The following ADAMTSL1 variants were observed in gnomAD, a reference collection of about 807,000 sequenced individuals.
ADAMTSL1 encodes ADAMTS like 1.
In ADAMTSL1, 126 loss-of-function variants were observed where a neutral mutation model predicts 201.8. The observed-to-expected ratio is 0.62, with a 90% CI of 0.54 to 0.72. The LOEUF (loss-of-function observed/expected upper bound fraction) is 0.72. Among genes scored for constraint, ADAMTSL1 ranks in the 30% least tolerant of loss-of-function variants. The probability of loss-of-function intolerance (pLI) is 0.00; values close to 1 mark genes in which losing one functional copy is unlikely to be tolerated. For synonymous variants in ADAMTSL1, 1,121 were observed against 903.4 expected, an observed-to-expected ratio of 1.24 and a Z score of -4.32; for missense variants, 2,679 against 2,277.8, an observed-to-expected ratio of 1.18 and a Z score of -3.59.
intron 9 of ADAMTSL1, among the ~76,000 whole-genome samples, chr9:18,663,064 T>A (rs1381644482): frequency 6.6e-6 from 1 of 152,218 alleles, no homozygotes; most frequent in Non-Finnish European, 1.5e-5. Flanking sequence ...CATTAAAATA[T>A]GACTTGGGCA....
chr9:18,160,986 C>T (rs754591648), intron 1 of ADAMTSL1, among the ~76,000 whole-genome samples: 18 of 151,558 alleles, frequency 1.2e-4, no homozygotes, highest in Non-Finnish European at 2.5e-4. Flanking sequence ...CCATGCCTGG[C>T]CAGGATTAAA....
chr9:18,557,028 G>C (rs2132256129), intron 3 of ADAMTSL1, among the ~76,000 whole-genome samples: 1 of 151,990 alleles, frequency 6.6e-6, no homozygotes, highest in South Asian at 2.1e-4. Context: ...AAAGAGATTA[G>C]GGAAGGAAGT....
At chr9:18,175,671 A>T (rs549404494) in intron 2 of ADAMTSL1, among the ~76,000 whole-genome samples, 1 of 152,106 alleles carries the variant, frequency 6.6e-6, no homozygotes, top group South Asian at 2.1e-4. Context: ...CCTACTCTCT[A>T]GACTTTCCTT....
chr9:18,168,922 T>C (rs10963488), intron 2 of ADAMTSL1, among the ~76,000 whole-genome samples: 47,316 of 150,420 alleles, frequency 0.31, 7,439 homozygotes, highest in Admixed American at 0.39. Flanking sequence ...CATAAATGTC[T>C]TCTTTTGAGA....
intron 2 of ADAMTSL1, among the ~76,000 whole-genome samples, chr9:18,403,045 A>G (rs9407907): frequency 0.55 from 83,822 of 151,946 alleles, 23,659 homozygotes; most frequent in African/African-American, 0.66. Context: ...CTGCTAGTAA[A>G]TGGCAGAGCT....
intron 5 of ADAMTSL1, among the ~76,000 whole-genome samples, chr9:18,625,282 T>C (rs1433691689): frequency 1.3e-5 from 2 of 152,038 alleles, no homozygotes; most frequent in Non-Finnish European, 2.9e-5. Context: ...GTTTTTTTTT[T>C]TTTTCCCTTA....
intron 23 of ADAMTSL1, among the ~76,000 whole-genome samples, chr9:18,874,009 C>T (rs575864986): frequency 1.3e-5 from 2 of 152,142 alleles, no homozygotes; most frequent in Non-Finnish European, 2.9e-5. Flanking sequence ...TCTTTCACCT[C>T]CTTGGTTAGG....
At chr9:18,817,555 A>G (rs1823940739) in intron 21 of ADAMTSL1, among the ~76,000 whole-genome samples, 1 of 152,218 alleles carries the variant, frequency 6.6e-6, no homozygotes, top group South Asian at 2.1e-4. Context: ...GGAGAGTGAT[A>G]AATTCATGGA....
intron 26 of ADAMTSL1, among the ~76,000 whole-genome samples, chr9:18,894,204 G>T (rs1463670319): frequency 2.6e-5 from 4 of 152,200 alleles, no homozygotes; most frequent in Non-Finnish European, 5.9e-5. Flanking sequence ...TTACTGTCTG[G>T]CCAGGCACAA....
chr9:18,832,535 G>C (rs547357511), intron 23 of ADAMTSL1, among the ~76,000 whole-genome samples: 20 of 152,136 alleles, frequency 1.3e-4, no homozygotes, highest in Non-Finnish European at 2.4e-4. Context: ...AGGAATAATC[G>C]ATAGTGGGAG....
At chr9:18,222,140 C>T (rs960107821) in intron 2 of ADAMTSL1, among the ~76,000 whole-genome samples, 14 of 151,480 alleles carry the variant, frequency 9.2e-5, no homozygotes, top group African/African-American at 3.4e-4. Flanking sequence ...AAATTTTTTC[C>T]ATCTTTAACT....
Position 18,909,142 on chromosome 9 carries a change from G to C in ADAMTSL1, c.*594G>C, listed in dbSNP as rs1588370905. ...GAGAAGAACTCAGATCACCAGTAGG[G>C]AGAGGTAAAAAAGCAAACAAAGCAG... On this transcript the variant is annotated 3_prime_UTR_variant, in exon 29 of 29. Transcript: ENST00000380548. 1 of 152,640 alleles carries C rather than the reference G, an allele frequency of 6.6e-6. No individual in the cohort carries two copies. Among genetic ancestry groups the C allele is most frequent in the Non-Finnish European group, 1.5e-5 (1 of 68,362 alleles). 9.5% of individuals were successfully genotyped at this position (152,640 alleles called of 1,614,324 possible).
At position 18,217,926 on chromosome 9, in the gene ADAMTSL1, GT is replaced by G. The variant is rs141046421; in HGVS notation, c.207+53946del. ...TAGCCCACCCAACTTGGGAGTGGGG[GT>G]AAGGGTGTCTAATTGCCAACGGCTG... On this transcript the variant is annotated intron_variant, in intron 2 of 29. Coordinates refer to the ADAMTSL1 transcript ENST00000680146. Among the ~76,000 whole-genome samples the G allele has an allele frequency of 6.6e-3, 1,012 of 152,198 alleles. 11 individuals are homozygous for G. The highest frequency in any genetic ancestry group is 0.023 in the African/African-American group (963 of 41,508).
At chr9:18,555,656 T>C (rs953249992) in intron 3 of ADAMTSL1, among the ~76,000 whole-genome samples, 7 of 151,926 alleles carry the variant, frequency 4.6e-5, no homozygotes, top group African/African-American at 1.7e-4. Flanking sequence ...GGGAGTTGCC[T>C]CACACAGGCT....
chr9:18,077,276 G>A (rs1208848192), intron 1 of ADAMTSL1, among the ~76,000 whole-genome samples: 1 of 152,146 alleles, frequency 6.6e-6, no homozygotes, highest in African/African-American at 2.4e-5. Flanking sequence ...CTACACAAAG[G>A]CATATTTAAC....
intron 2 of ADAMTSL1, among the ~76,000 whole-genome samples, chr9:18,435,771 G>A (rs1819704680): frequency 6.6e-6 from 1 of 152,164 alleles, no homozygotes; most frequent in Admixed American, 6.5e-5. Flanking sequence ...GTGGATGGTG[G>A]CAGGCAAGGA....
chr9:18,269,773 A>G (rs1197663546), intron 2 of ADAMTSL1, among the ~76,000 whole-genome samples: 3 of 151,940 alleles, frequency 2.0e-5, no homozygotes, highest in Admixed American at 2.0e-4. Context: ...CTTTCCCAGA[A>G]CTTGAAACAA....
chr9:18,404,382 A>G (rs1818103632), intron 2 of ADAMTSL1, among the ~76,000 whole-genome samples: 1 of 152,202 alleles, frequency 6.6e-6, no homozygotes, highest in African/African-American at 2.4e-5. Context: ...TTTGAATCTA[A>G]AAAGCCTCAT....
intron 1 of ADAMTSL1, among the ~76,000 whole-genome samples, chr9:18,026,121 G>GACT (rs1485656171): frequency 6.6e-6 from 1 of 151,964 alleles, no homozygotes; most frequent in Non-Finnish European, 1.5e-5. Flanking sequence ...AGAGTCTTTA[G>GACT]AGTTTTCTAG....
Sources: allele counts gnomAD v4.1 joint callset (sites outside exome capture counted in the v4.1 genomes callset), GRCh38; gene constraint gnomAD v4.1.1; transcripts MANE v1.5; gene names NCBI Gene and HGNC (gene_info 2026-07-23, HGNC 2026-07-21).